The following WWOX variants were observed in gnomAD, a reference collection of about 807,000 sequenced individuals.
The protein encoded by WWOX is WW domain-containing oxidoreductase.
WWOX carries 69 observed loss-of-function variants against 46.2 expected under a neutral mutation model. That is an observed-to-expected ratio of 1.49 (90% CI 1.23 to 1.82). WWOX has a LOEUF of 1.82. Among genes scored for constraint, WWOX ranks in the 40% most tolerant of loss-of-function variants. The pLI, the probability that WWOX is intolerant of heterozygous loss-of-function variation, is 0.00. For missense variants in WWOX, 919 were observed against 542.6 expected (o/e 1.69, Z -6.89); for synonymous variants, 359 against 202.6 (o/e 1.77, Z -6.56).
chr16:78,615,458 G>A (rs1227390256), intron 8 of WWOX, among the ~76,000 whole-genome samples: 2 of 152,028 alleles, frequency 1.3e-5, no homozygotes, highest in Non-Finnish European at 2.9e-5. Context: ...AGACCAGGCT[G>A]GGCAGCATAG....
chr16:78,422,541 C>G (rs1053737488), intron 6 of WWOX, among the ~76,000 whole-genome samples: 3 of 149,768 alleles, frequency 2.0e-5, no homozygotes, highest in African/African-American at 7.4e-5. Context: ...GAGATGGGGT[C>G]TTGCTGTGTT....
In WWOX at chr16:79,089,262, G is replaced by C. The variant is rs540925274; in HGVS notation, c.1057-122346G>C. Reference sequence around the variant, plus strand: ...TCTCACAAGATTTTTGTAATGATTAGAATATTTGTAAAGTTCCTGGCAAAG... The same window carrying C: ...TCTCACAAGATTTTTGTAATGATTACAATATTTGTAAAGTTCCTGGCAAAG... On this transcript the variant is annotated intron_variant, in intron 8 of 8. Transcript: ENST00000566780. Among the ~76,000 whole-genome samples, 38 of 151,722 alleles carry C rather than the reference G, an allele frequency of 2.5e-4. 1 individual carries two copies. Among genetic ancestry groups the C allele is most frequent in the African/African-American group, 8.9e-4 (37 of 41,384 alleles).
chr16:78,865,595 C>G (rs1455566851), intron 8 of WWOX, among the ~76,000 whole-genome samples: 1 of 151,960 alleles, frequency 6.6e-6, no homozygotes, highest in Non-Finnish European at 1.5e-5. Context: ...TGTGTGTGGC[C>G]GGCCAGGTGC....
intron 8 of WWOX, among the ~76,000 whole-genome samples, chr16:78,906,175 C>A (rs572576455): frequency 2.0e-5 from 3 of 152,282 alleles, no homozygotes; most frequent in Non-Finnish European, 2.9e-5. Flanking sequence ...CATCTAGGGA[C>A]ATCTGGGGCA....
At chr16:78,513,566 T>G (rs1176509748) in intron 8 of WWOX, among the ~76,000 whole-genome samples, 1 of 152,168 alleles carries the variant, frequency 6.6e-6, no homozygotes, top group Non-Finnish European at 1.5e-5. Flanking sequence ...AACCTTTTGG[T>G]GAAGGAATGA....
chr16:78,562,994 T>C (rs1001001990), intron 8 of WWOX, among the ~76,000 whole-genome samples: 6 of 152,154 alleles, frequency 3.9e-5, no homozygotes, highest in Admixed American at 1.3e-4. Flanking sequence ...TTCTTTTTTT[T>C]TTTTAATCCC....
chr16:78,266,382 C>G (rs1027990313), intron 5 of WWOX, among the ~76,000 whole-genome samples: 9 of 152,268 alleles, frequency 5.9e-5, no homozygotes, highest in Admixed American at 1.3e-4. Context: ...TGCACTATGC[C>G]AGCAAAGTTG....
intron 5 of WWOX, among the ~76,000 whole-genome samples, chr16:78,220,831 A>G (rs1278584858): frequency 6.6e-6 from 1 of 152,184 alleles, no homozygotes; most frequent in African/African-American, 2.4e-5. Context: ...ACAGAGAAAC[A>G]TGCCCATCAT....
At chr16:78,795,263 G>A (rs971317285) in intron 8 of WWOX, among the ~76,000 whole-genome samples, 2 of 152,114 alleles carry the variant, frequency 1.3e-5, no homozygotes, top group Non-Finnish European at 2.9e-5. Context: ...GGAAAAAAAG[G>A]CATAAATACT....
intron 8 of WWOX, among the ~76,000 whole-genome samples, chr16:78,502,179 T>C (rs1257510303): frequency 6.6e-6 from 1 of 152,210 alleles, no homozygotes; most frequent in Non-Finnish European, 1.5e-5. Flanking sequence ...TTTTCTTTAA[T>C]AGTTTTATTG....
intron 8 of WWOX, among the ~76,000 whole-genome samples, chr16:78,452,299 C>T (rs992022418): frequency 6.6e-6 from 1 of 151,998 alleles, no homozygotes; most frequent in Admixed American, 6.6e-5. Context: ...TAGATTTTTT[C>T]AATTTTTTTT....
chr16:78,741,203 A>G (rs1475739388), intron 8 of WWOX, among the ~76,000 whole-genome samples: 1 of 152,232 alleles, frequency 6.6e-6, no homozygotes, highest in African/African-American at 2.4e-5. Flanking sequence ...TAGAATCTTT[A>G]TTATAATCCT....
intron 8 of WWOX, among the ~76,000 whole-genome samples, chr16:79,210,845 G>A (rs190814733): frequency 6.6e-6 from 1 of 152,120 alleles, no homozygotes; most frequent in Non-Finnish European, 1.5e-5. Context: ...TTACTCAAAA[G>A]GTGAATGAAA....
chr16:78,479,670 C>T (rs1159453691), intron 8 of WWOX, among the ~76,000 whole-genome samples: 1 of 152,208 alleles, frequency 6.6e-6, no homozygotes, highest in East Asian at 1.9e-4. Context: ...GGAGGTTCAT[C>T]TGTAGAATAT....
chr16:78,574,999 TTATATATATATATATATATATAAATATA>T lies in WWOX; in HGVS notation c.1056+142270_1056+142297del, dbSNP rs2044815233. 3.8e-4 allele frequency among the ~76,000 whole-genome samples: 14 copies of T among 37,036 alleles called. 3 individuals are homozygous for T. The highest frequency in any genetic ancestry group is 2.0e-3 in the East Asian group (2 of 1,000). The allele number at this position is 37,036 out of a possible 152,430, so 24.3% of individuals were successfully genotyped here. A position where few individuals can be genotyped will look rare whatever the true frequency, so the allele number is the denominator to read the frequency against. On this transcript the variant is annotated intron_variant, in intron 8 of 8. Transcript: ENST00000566780. Reference sequence around the variant, plus strand: ...AATATATTCAATATTTATTTTTCAATTATATATATATATATATATATAAATATATATATATATATATATATATATATAT... The same window carrying T: ...AATATATTCAATATTTATTTTTCAATTATATATATATATATATATATATAT...
At chr16:79,135,752 T>C (rs1007983504) in intron 8 of WWOX, among the ~76,000 whole-genome samples, 1 of 152,186 alleles carries the variant, frequency 6.6e-6, no homozygotes, top group Non-Finnish European at 1.5e-5. Flanking sequence ...ATAATATAGC[T>C]ATCAGTCGTG....
intron 6 of WWOX, among the ~76,000 whole-genome samples, chr16:78,391,674 C>G (rs2151937719): frequency 6.6e-6 from 1 of 152,184 alleles, no homozygotes; most frequent in Middle Eastern, 3.4e-3. Context: ...ATGGCAAAAC[C>G]CCGTCTGTAC....
chr16:78,605,837 G>C (rs1416859250), intron 8 of WWOX, among the ~76,000 whole-genome samples: 1 of 152,138 alleles, frequency 6.6e-6, no homozygotes, highest in Non-Finnish European at 1.5e-5. Flanking sequence ...AGTGGAGTGT[G>C]TGTGTGTGTT....
chr16:78,165,251 A>G (rs1405927353), intron 5 of WWOX, among the ~76,000 whole-genome samples: 2 of 152,234 alleles, frequency 1.3e-5, no homozygotes, highest in African/African-American at 4.8e-5. Flanking sequence ...GACTGCATTC[A>G]TTCACTTTTC....
Sources: allele counts gnomAD v4.1 joint callset (sites outside exome capture counted in the v4.1 genomes callset), GRCh38; gene constraint gnomAD v4.1.1; transcripts MANE v1.5; gene names NCBI Gene and HGNC (gene_info 2026-07-23, HGNC 2026-07-21).